The following BRCA2 variants were observed in gnomAD, a reference collection of about 807,000 sequenced individuals.
The protein encoded by BRCA2 is BRCA2 DNA repair associated.
BRCA2 carries 203 observed loss-of-function variants against 276.7 expected under a neutral mutation model. The observed-to-expected ratio is 0.73, with a 90% CI of 0.65 to 0.82. The LOEUF (loss-of-function observed/expected upper bound fraction) is 0.82. BRCA2 is among the 40% of genes least tolerant of loss of function. The pLI, the probability that BRCA2 is intolerant of heterozygous loss-of-function variation, is 0.00. For synonymous variants in BRCA2, 1,289 were observed against 1,338.4 expected (o/e 0.96, Z 0.81); for missense variants, 3,920 against 3,915.0 (o/e 1.00, Z -0.03).
At position 32,363,316 on chromosome 13, in the gene BRCA2, G is replaced by T. The variant is rs778806241; in HGVS notation, c.8114G>T (p.Ser2705Ile). The T allele has an allele frequency of 6.2e-7, 1 of 1,614,014 alleles. No individual in the cohort carries two copies. The highest frequency in any genetic ancestry group is 1.3e-5 in the African/African-American group (1 of 74,910). Residue 2705 changes from serine to isoleucine, a missense_variant, in exon 18 of 27, where the codon AGC (serine) becomes ATC (isoleucine). Physicochemically the swap from Ser to Ile is moderately radical, Grantham distance 142. Coordinates refer to ENST00000380152, the MANE Select transcript of BRCA2 (RefSeq NM_000059.4). ...AGCGCAAATATATCTGAAACTTCTA[G>T]CAATAAAACTAGTAGTGCAGATACC... ...SLSANISETS[S>I]NKTSSADTQK... is the part of the protein sequence containing the mutation.
chr13:32,398,612 G>C lies in BRCA2; in HGVS notation c.10099G>C (p.Glu3367Gln). Residue 3367 changes from glutamate to glutamine, a missense_variant, in exon 27 of 27, where the codon GAA (glutamate) becomes CAA (glutamine). By Grantham distance (29) the Glu-to-Gln change is conservative. Around this residue, in one of 2 missense-constraint regions of BRCA2, gnomAD observed 657 missense variants for 758.2 expected, o/e 0.87. Coordinates refer to ENST00000380152, the MANE Select transcript of BRCA2 (RefSeq NM_000059.4). ...TGEKQFISVS[E>Q]STRTAPTSSE... The stretch of plus-strand genomic sequence containing the variant: ...AGAAAAACAATTTATATCTGTCAGT[G>C]AATCCACTAGGACTGCTCCCACCAG... 6.2e-7 allele frequency: 1 copy of C among 1,613,806 alleles called. No homozygotes were observed. Among genetic ancestry groups the C allele is most frequent in the African/African-American group, 1.3e-5 (1 of 75,040 alleles).
intron 4 of BRCA2, 117 bp downstream of exon 4, chr13:32,325,301 A>G (rs554968312): frequency 8.2e-5 from 60 of 727,968 alleles, no homozygotes; most frequent in Admixed American, 1.3e-4. Flanking sequence ...CTGGTAGAAG[A>G]TCTTACATTT....
rs2137625286 is a variant in BRCA2, at chr13:32,380,086, A to G, written c.9197A>G (p.Gln3066Arg). ...HFSKFLDPDFQPSCSEVDLIG... is the reference protein window; with the variant it reads ...HFSKFLDPDFRPSCSEVDLIG... ...AGCAAATTTTTAGATCCAGACTTTC[A>G]GCCATCTTGTTCTGAGGTGGACCTA... The change falls in exon 24 of 27, where the codon CAG (glutamine) becomes CGG (arginine). Residue 3066 changes from glutamine (Q) to arginine (R), a missense_variant. By Grantham distance (43) the Gln-to-Arg change is conservative (BLOSUM62 1). Transcript: ENST00000380152. The G allele has an allele frequency of 6.2e-7, 1 of 1,614,100 alleles. No homozygotes were observed. The highest frequency in any genetic ancestry group is 2.2e-5 in the East Asian group (1 of 44,856).
In BRCA2 at chr13:32,370,917, A is replaced by G. The variant is rs2072827527; in HGVS notation, c.8488-39A>G. On this transcript the variant is annotated intron_variant, in intron 19 of 26. Coordinates refer to ENST00000380152, the MANE Select transcript of BRCA2 (RefSeq NM_000059.4). ...CTGATACAATTAACTTGAATGTTAT[A>G]TATGTGACTTTTTTGGTGTGTGTAA... The G allele has an allele frequency of 3.7e-6, 6 of 1,612,534 alleles. No individual in the cohort carries two copies. In the East Asian group the frequency reaches 1.3e-4, roughly 36 times the overall value.
chr13:32,396,869 T>C, intron 25 of BRCA2, 29 bp from the exon 26 acceptor site: 1 of 1,613,776 alleles, frequency 6.2e-7, no homozygotes, highest in South Asian at 1.1e-5. Context: ...TTGCAATTTA[T>C]AAAGCAGCTT....
At chr13:32,315,919 C>A (rs920671041) in intron 1 of BRCA2, among the ~76,000 whole-genome samples, 12 of 152,224 alleles carry the variant, frequency 7.9e-5, no homozygotes, top group Admixed American at 5.2e-4. Flanking sequence ...GCCTTCAGCT[C>A]AAGACTTAAC....
At chr13:32,356,637 C>T (rs2137563910) in intron 15 of BRCA2, 28 bp downstream of exon 15, 1 of 1,608,508 alleles carries the variant, frequency 6.2e-7, no homozygotes, top group Non-Finnish European at 8.5e-7. Context: ...ATACTGATGG[C>T]TTTTATGACA....
chr13:32,394,723 T>C lies in BRCA2; in HGVS notation c.9291T>C (p.Cys3097=), dbSNP rs397508044. 6.2e-7 allele frequency: 1 copy of C among 1,613,922 alleles called. No homozygotes were observed. The highest frequency in any genetic ancestry group is 1.1e-5 in the South Asian group (1 of 91,040). ...CTTTCGTCTATTTGTCAGACGAATG[T>C]TACAATTTACTGGCAATAAAGTTTT... ...LAPFVYLSDE[C]YNLLAIKFWI... The change falls in exon 25 of 27, where the codon TGT becomes TGC. Residue 3097 remains cysteine (C), a synonymous_variant. Coordinates refer to ENST00000380152, the MANE Select transcript of BRCA2 (RefSeq NM_000059.4).
chr13:32,325,787 G>A (rs556760167), intron 4 of BRCA2, among the ~76,000 whole-genome samples: 12 of 152,154 alleles, frequency 7.9e-5, no homozygotes, highest in Admixed American at 3.9e-4. Flanking sequence ...TGATCCGCCC[G>A]CCTCAGCCTC....
chr13:32,397,870 A>T (rs1431788332), intron 26 of BRCA2, among the ~76,000 whole-genome samples: 1 of 152,226 alleles, frequency 6.6e-6, no homozygotes, highest in African/African-American at 2.4e-5. Flanking sequence ...TTAATAATAA[A>T]AAACAAAAGA....
In BRCA2 at chr13:32,336,604, A is replaced by G. The variant is rs1555282574; in HGVS notation, c.2249A>G (p.Asp750Gly). The G allele has an allele frequency of 6.2e-7, 1 of 1,614,108 alleles. No homozygotes were observed. The highest frequency in any genetic ancestry group is 8.5e-7 in the Non-Finnish European group (1 of 1,179,984). The change falls in exon 11 of 27, where the codon GAT becomes GGT. Residue 750 changes from aspartate (D) to glycine (G), a missense_variant. This residue lies in a region of BRCA2 where 3,263 missense variants were observed against 3,156.9 expected (regional missense o/e 1.03). Transcript: ENST00000380152. The part of the protein sequence containing the change: ...PVQHSKVEYS[D>G]TDFQSQKSLL... ...CAACATTCAAAAGTGGAATACAGTG[A>G]TACTGACTTTCAATCCCAGAAAAGT...
At chr13:32,326,385 G>A in intron 6 of BRCA2, 103 bp downstream of exon 6, 2 of 1,462,602 alleles carry the variant, frequency 1.4e-6, no homozygotes, top group South Asian at 2.3e-5. Context: ...CTAGCATTCT[G>A]CCTCATACAG....
At position 32,356,416 on chromosome 13, in the gene BRCA2, A is replaced by G. The variant is rs2137561595; in HGVS notation, c.7436-12A>G. ...TCAATTTTATTTTTGCTAAGTATTTATTCTTTGATAGATTTAATTACAAGT... is the reference window on the plus strand; with the variant it reads ...TCAATTTTATTTTTGCTAAGTATTTGTTCTTTGATAGATTTAATTACAAGT... On this transcript the variant is annotated splice_polypyrimidine_tract_variant and intron_variant, in intron 14 of 26. Transcript: ENST00000380152. 1 of 1,610,150 alleles carries G rather than the reference A, an allele frequency of 6.2e-7. No homozygotes were observed. The highest frequency in any genetic ancestry group is 8.5e-7 in the Non-Finnish European group (1 of 1,176,456).
intron 24 of BRCA2, chr13:32,385,347 TG>T (rs2072951935): frequency 4.6e-6 from 1 of 219,488 alleles, no homozygotes; most frequent in South Asian, 8.1e-5. Flanking sequence ...AGCTTTGGGA[TG>T]AAGGACAGGA....
In BRCA2 at chr13:32,355,160, A is replaced by T. The variant is rs80358955; in HGVS notation, c.7307A>T (p.Asn2436Ile). 54 of 1,613,794 alleles carry T rather than the reference A, an allele frequency of 3.3e-5. No homozygotes were observed. In the East Asian group the frequency reaches 1.1e-3, roughly 33 times the overall value. Residue 2436 changes from asparagine to isoleucine, a missense_variant, in exon 14 of 27, where the codon AAC (asparagine) becomes ATC (isoleucine). By Grantham distance (149) the Asn-to-Ile change is moderately radical. Transcript: ENST00000380152. ...TTGGAGGAAAACAGACAAAAGCAAAACATTGATGGACATGGCTCTGATGAT... is the reference window on the plus strand; with the variant it reads ...TTGGAGGAAAACAGACAAAAGCAAATCATTGATGGACATGGCTCTGATGAT... ...INLEENRQKQNIDGHGSDDSK... is the reference protein window; with the variant it reads ...INLEENRQKQIIDGHGSDDSK...
chr13:32,324,944 CCT>C (rs1431137439), intron 3 of BRCA2, 130 bp from the exon 4 acceptor site: 5 of 675,812 alleles, frequency 7.4e-6, no homozygotes, highest in Non-Finnish European at 1.3e-5. Flanking sequence ...AACTGAAAAA[CCT>C]CTTCTTACAA....
intron 2 of BRCA2, among the ~76,000 whole-genome samples, chr13:32,318,840 A>C (rs777887676): frequency 6.6e-6 from 1 of 152,234 alleles, no homozygotes; most frequent in African/African-American, 2.4e-5. Context: ...AAGCTAATAT[A>C]TACAGCTTTT....
chr13:32,358,438 T>C (rs2072716125), intron 16 of BRCA2, among the ~76,000 whole-genome samples: 1 of 146,032 alleles, frequency 6.8e-6, no homozygotes, highest in African/African-American at 2.6e-5. Context: ...ATTGAGCCAC[T>C]GCACTCCAGG....
chr13:32,396,799 G>T, intron 25 of BRCA2, 99 bp from the exon 26 acceptor site: 1 of 1,480,436 alleles, frequency 6.8e-7, no homozygotes, highest in African/African-American at 1.4e-5. Context: ...TTCTTTTTTG[G>T]TCCAAACTTT....
Sources: allele counts gnomAD v4.1 joint callset (sites outside exome capture counted in the v4.1 genomes callset), GRCh38; gene constraint gnomAD v4.1.1; regional missense constraint gnomAD v4.1.1; transcripts MANE v1.5; gene names NCBI Gene and HGNC (gene_info 2026-07-23, HGNC 2026-07-21).